Variants in DNAJB1 observed in about 807,000 individuals in gnomAD.
DNAJB1 encodes dnaJ homolog subfamily B member 1.
In DNAJB1, 14 loss-of-function variants were observed where a neutral mutation model predicts 24.0. The ratio of observed to expected loss-of-function variants is 0.58; its 90% CI spans 0.39 to 0.91. DNAJB1 has a LOEUF of 0.91. Ranked by LOEUF, DNAJB1 falls within the 40% of genes least tolerant of loss-of-function variation. The pLI is 0.00. For missense variants in DNAJB1, 517 were observed against 458.1 expected (o/e 1.13, Z -1.17); for synonymous variants, 262 against 174.4 (o/e 1.50, Z -3.96).
At chr19:14,519,757 A>G (rs2072340676), upstream of DNAJB1, among the ~76,000 whole-genome samples, 1 of 151,810 alleles carries the variant, frequency 6.6e-6, no homozygotes, top group Non-Finnish European at 1.5e-5. Context: ...TTCCCCAACT[A>G]CCTTTATAAT....
upstream of DNAJB1, among the ~76,000 whole-genome samples, chr19:14,553,110 A>G (rs2073594766): frequency 2.6e-5 from 4 of 151,960 alleles, no homozygotes; most frequent in South Asian, 8.4e-4. Context: ...TTCATCCTCT[A>G]TGAATGGCTG....
chr19:14,521,637 T>C (rs922425929), upstream of DNAJB1, among the ~76,000 whole-genome samples: 42 of 152,180 alleles, frequency 2.8e-4, no homozygotes, highest in African/African-American at 8.4e-4. Flanking sequence ...TTTGTTTGTT[T>C]TGAGATGGAG....
At position 14,518,356 on chromosome 19, in the gene DNAJB1, C is replaced by G; in HGVS notation, c.-7G>C. ...GGTAGTAGTCTTTACCCATGACCCC[C>G]TCCTGCGGCCCGCCGACCCGCTGTC... is the stretch of plus-strand genomic sequence containing the variant. On this transcript the variant is annotated 5_prime_UTR_variant, in exon 1 of 3. Transcript: ENST00000254322. The G allele has an allele frequency of 1.3e-6, 2 of 1,549,902 alleles. No homozygotes were observed. Among genetic ancestry groups the G allele is most frequent in the Non-Finnish European group, 1.7e-6 (2 of 1,156,678 alleles).
At chr19:14,558,025 C>G (rs577482922) in intron 1 of DNAJB1, among the ~76,000 whole-genome samples, 14 of 151,796 alleles carry the variant, frequency 9.2e-5, no homozygotes, top group East Asian at 3.9e-4. Context: ...AAAGTGCTGG[C>G]ATTACAGGCG....
upstream of DNAJB1, chr19:14,530,219 CA>C (rs2072576834): frequency 5.7e-6 from 1 of 176,024 alleles, no homozygotes; most frequent in Admixed American, 5.5e-5. Context: ...CTGGCTTTCG[CA>C]GAGCAGCGAA....
At chr19:14,522,685 C>CACAG (rs2072375196), upstream of DNAJB1, among the ~76,000 whole-genome samples, 1 of 48,892 alleles carries the variant, frequency 2.0e-5, no homozygotes, top group South Asian at 6.8e-4. Context: ...CACACACAGA[C>CACAG]ACACACACAC....
upstream of DNAJB1, among the ~76,000 whole-genome samples, chr19:14,551,944 TCC>T (rs1491430389): frequency 7.6e-5 from 3 of 39,716 alleles, no homozygotes; most frequent in African/African-American, 3.8e-4. Flanking sequence ...TCTCCCTCCC[TCC>T]CTCTCTCTCT....
chr19:14,529,558 G>C (rs751227381), upstream of DNAJB1: 12 of 1,333,352 alleles, frequency 9.0e-6, no homozygotes, highest in Non-Finnish European at 1.3e-5. Flanking sequence ...GACGGGGCGC[G>C]CGCGGCCTGG....
At chr19:14,517,713 G>C (rs1248371877) in intron 1 of DNAJB1, 1 of 164,100 alleles carries the variant, frequency 6.1e-6, no homozygotes, top group Non-Finnish European at 1.3e-5. Context: ...GAACGGGGTC[G>C]GCTCCTGCAT....
chr19:14,529,594 G>C (rs1246611374), upstream of DNAJB1: 1 of 1,578,558 alleles, frequency 6.3e-7, no homozygotes, highest in Non-Finnish European at 8.7e-7. Flanking sequence ...GCAGAGCCGC[G>C]TTTAGTCTAT....
At chr19:14,535,476 C>T in intron 1 of DNAJB1, among the ~76,000 whole-genome samples, 1 of 121,168 alleles carries the variant, frequency 8.3e-6, no homozygotes, top group Non-Finnish European at 1.6e-5. Context: ...CACTGCACTC[C>T]AGCCTGGGCG....
At chr19:14,521,644 G>A (rs143196004), upstream of DNAJB1, among the ~76,000 whole-genome samples, 24 of 152,136 alleles carry the variant, frequency 1.6e-4, no homozygotes, top group East Asian at 4.6e-3. Flanking sequence ...GTTTTGAGAT[G>A]GAGTTTCACT....
chr19:14,535,578 A>ATG, intron 1 of DNAJB1, among the ~76,000 whole-genome samples: 1 of 39,986 alleles, frequency 2.5e-5, no homozygotes, highest in African/African-American at 7.7e-5. Context: ...ATATATATAT[A>ATG]TATATATATA....
At chr19:14,545,171 T>C (rs1285412014) in intron 1 of DNAJB1, 2 of 456,632 alleles carry the variant, frequency 4.4e-6, no homozygotes, top group Middle Eastern at 3.2e-4. Context: ...CGATTCCTCA[T>C]TGCTCAAGGG....
chr19:14,553,234 G>A (rs137981173), upstream of DNAJB1, among the ~76,000 whole-genome samples: 81 of 152,268 alleles, frequency 5.3e-4, no homozygotes, highest in East Asian at 2.9e-3. Flanking sequence ...CAGCTTCTCC[G>A]GGTCCCGGGC....
chr19:14,516,688 T>C lies in DNAJB1; in HGVS notation c.570A>G (p.Leu190=), dbSNP rs776589189. ...TTCGAATGCTCTTTCCGTCGGGGTTTAGCCGCTTGTGGGAGATTTTCATCT... is the reference window on the plus strand; with the variant it reads ...TTCGAATGCTCTTTCCGTCGGGGTTCAGCCGCTTGTGGGAGATTTTCATCT... The part of the protein sequence containing the change: ...TKKMKISHKR[L]NPDGKSIRNE... The change falls in exon 2 of 3, where the codon CTA becomes CTG. Residue 190 remains leucine (L), a synonymous_variant. Coordinates refer to ENST00000254322, the MANE Select transcript of DNAJB1 (RefSeq NM_006145.3). 2.6e-5 allele frequency: 42 copies of C among 1,614,082 alleles called. No individual in the cohort carries two copies. In the African/African-American group the frequency reaches 5.3e-4, roughly 21 times the overall value.
In DNAJB1 at chr19:14,516,665, C is replaced by T. The variant is rs748841793; in HGVS notation, c.593G>A (p.Arg198Gln). The T allele has an allele frequency of 6.2e-7, 1 of 1,614,136 alleles. No individual in the cohort carries two copies. Among genetic ancestry groups the T allele is most frequent in the South Asian group, 1.1e-5 (1 of 91,088 alleles). The change falls in exon 2 of 3, where the codon CGA becomes CAA. Residue 198 changes from arginine to glutamine, a missense_variant. Arg to Gln is a conservative substitution (Grantham distance 43). Coordinates refer to ENST00000254322, the MANE Select transcript of DNAJB1 (RefSeq NM_006145.3). ...KRLNPDGKSI[R>Q]NEDKILTIEV... Reference sequence around the variant, plus strand: ...GATGGTCAATATTTTGTCTTCGTTTCGAATGCTCTTTCCGTCGGGGTTTAG... The same window carrying T: ...GATGGTCAATATTTTGTCTTCGTTTTGAATGCTCTTTCCGTCGGGGTTTAG...
At chr19:14,535,574 ATATATATATATATATGTATG>A (rs1487332745) in intron 1 of DNAJB1, among the ~76,000 whole-genome samples, 18 of 36,454 alleles carry the variant, frequency 4.9e-4, no homozygotes, top group African/African-American at 1.4e-3. Flanking sequence ...ATATATATAT[ATATATATATATATATGTATG>A]TATATATAAA....
chr19:14,523,239 G>A (rs932845364), upstream of DNAJB1, among the ~76,000 whole-genome samples: 7 of 152,084 alleles, frequency 4.6e-5, no homozygotes, highest in African/African-American at 1.7e-4. Flanking sequence ...TAGATTTTAC[G>A]CTGCTGGTGT....
Sources: allele counts gnomAD v4.1 joint callset (sites outside exome capture counted in the v4.1 genomes callset), GRCh38; gene constraint gnomAD v4.1.1; transcripts MANE v1.5; gene names NCBI Gene and HGNC (gene_info 2026-07-23, HGNC 2026-07-21).